Variants in MCFD2 observed in about 807,000 individuals in gnomAD.
The protein encoded by MCFD2 is multiple coagulation factor deficiency protein 2.
MCFD2 carries 11 observed loss-of-function variants against 12.8 expected under a neutral mutation model. That is an observed-to-expected ratio of 0.86 (90% confidence interval 0.54 to 1.42). The LOEUF (loss-of-function observed/expected upper bound fraction) is 1.42, where lower values mean the gene tolerates loss of function less well. MCFD2 is among the 40% of genes most tolerant of loss of function. The pLI is 0.00. For synonymous variants in MCFD2, 70 were observed against 68.1 expected (o/e 1.03, Z -0.14); for missense variants, 191 against 178.6 (o/e 1.07, Z -0.40).
upstream of MCFD2, chr2:46,916,059 A>G: frequency 1.0e-6 from 1 of 985,434 alleles, no homozygotes; most frequent in Non-Finnish European, 1.2e-6. Flanking sequence ...TTGCTAGGCA[A>G]CGCCGGAAGC....
chr2:46,909,532 A>T (rs967739124), intron 1 of MCFD2, among the ~76,000 whole-genome samples: 5 of 152,226 alleles, frequency 3.3e-5, no homozygotes, highest in Non-Finnish European at 5.9e-5. Context: ...AGCAAGTTAT[A>T]TCAGATTATC....
In MCFD2 at chr2:46,941,135, C is replaced by A. The variant is rs1207618353; in HGVS notation, c.-8+437G>T. On this transcript the variant is annotated intron_variant, in intron 1 of 2. Transcript: ENST00000409147. The surrounding 1 kb of genome is among the most constrained non-coding windows in gnomAD (Gnocchi z 4.2). ...GCGCTGGCAGCCAGCGAGCCCGGCT[C>A]GCCGAGGCCTCCCCACGCCCCCGCG... is the stretch of plus-strand genomic sequence containing the variant. 2 of 147,832 alleles carry A rather than the reference C, an allele frequency of 1.4e-5. No individual in the cohort carries two copies. Among genetic ancestry groups the A allele is most frequent in the South Asian group, 3.6e-4 (2 of 5,608 alleles). 9.2% of individuals were successfully genotyped at this position (147,832 alleles called of 1,614,324 possible).
chr2:46,941,205 G>C lies in MCFD2; in HGVS notation c.-8+367C>G, dbSNP rs1456736547. The stretch of plus-strand genomic sequence containing the variant: ...GGGCGGGTCCGCAGCTGGCGGCGCC[G>C]GGGCCCGGGGCGGAGGCTGTGGCAG... On this transcript the variant is annotated intron_variant, in intron 1 of 2. Coordinates refer to the MCFD2 transcript ENST00000409147. This position sits in a 1 kb window ranked among gnomAD's most constrained non-coding sequence, Gnocchi z 4.2. The C allele has an allele frequency of 4.0e-5, 6 of 148,450 alleles. No homozygotes were observed. In the South Asian group the frequency reaches 5.3e-4, roughly 13 times the overall value. 9.2% of individuals were successfully genotyped at this position (148,450 alleles called of 1,614,324 possible). A position where few individuals can be genotyped will look rare whatever the true frequency, so the allele number is the denominator to read the frequency against.
At chr2:46,932,678 A>G (rs1312895833) in intron 1 of MCFD2, among the ~76,000 whole-genome samples, 3 of 152,044 alleles carry the variant, frequency 2.0e-5, no homozygotes, top group Non-Finnish European at 4.4e-5. Flanking sequence ...AGATGGGTGG[A>G]TCACCTGAGT....
intron 1 of MCFD2, among the ~76,000 whole-genome samples, chr2:46,933,535 A>G (rs1478421811): frequency 2.0e-5 from 3 of 152,224 alleles, no homozygotes; most frequent in Non-Finnish European, 4.4e-5. Context: ...AGCTCCTGGC[A>G]GAGTTTTAAT....
chr2:46,908,624 C>A lies in MCFD2; in HGVS notation c.149+399G>T, dbSNP rs571699612. The A allele has an allele frequency of 1.3e-4, 40 of 311,952 alleles. 1 individual carries two copies. The highest frequency in any genetic ancestry group is 8.5e-4 in the African/African-American group (39 of 46,000). 19.3% of individuals were successfully genotyped at this position (311,952 alleles called of 1,614,324 possible). A position where few individuals can be genotyped will look rare whatever the true frequency, so the allele number is the denominator to read the frequency against. On this transcript the variant is annotated intron_variant, in intron 2 of 3. Transcript: ENST00000319466. This position sits in a 1 kb window ranked among gnomAD's most constrained non-coding sequence, Gnocchi z 4.5. ...GCTAACTGGCCCAAGACAAAAGCTG[C>A]AACAAATGATTCAATGTTTGAATGT...
intron 1 of MCFD2, among the ~76,000 whole-genome samples, chr2:46,927,243 A>G (rs1398964968): frequency 6.6e-6 from 1 of 152,214 alleles, no homozygotes; most frequent in East Asian, 1.9e-4. Flanking sequence ...AGGATCAAAA[A>G]GAGTGACAAA....
chr2:46,921,670 C>T (rs975474714), intron 1 of MCFD2, among the ~76,000 whole-genome samples: 1 of 152,174 alleles, frequency 6.6e-6, no homozygotes, highest in Non-Finnish European at 1.5e-5. Flanking sequence ...TTTTTGGCAC[C>T]AGGGACCAGT....
intron 1 of MCFD2, among the ~76,000 whole-genome samples, chr2:46,926,274 A>C (rs1669378717): frequency 6.6e-6 from 1 of 152,220 alleles, no homozygotes; most frequent in South Asian, 2.1e-4. Context: ...GTTTAGTTCC[A>C]CACACTGAGT....
Position 46,941,801 on chromosome 2 carries a change from A to T in MCFD2, c.-237T>A, listed in dbSNP as rs1670423747. On this transcript the variant is annotated 5_prime_UTR_variant, in exon 1 of 3. Transcript: ENST00000409147. This position sits in a 1 kb window ranked among gnomAD's most constrained non-coding sequence, Gnocchi z 4.2. ...CGCCTCCTCCAGGAAGCGCGCCCAG[A>T]CAGTCCTCGGCCGACAGCGGGCGCC... The T allele has an allele frequency of 6.5e-7, 1 of 1,531,952 alleles. No homozygotes were observed. 94.9% of individuals were successfully genotyped at this position (1,531,952 alleles called of 1,614,324 possible).
In MCFD2 at chr2:46,941,053, G is replaced by GGGGGCGGCGGCA. The variant is rs1434844057; in HGVS notation, c.-8+518_-8+519insTGCCGCCGCCCC. ...CCGACTCCGCGGCGGGGGCGGCGGCGGGGGGCGGGTACCCGGGCGGCCGCG... is the reference window on the plus strand; with the variant it reads ...CCGACTCCGCGGCGGGGGCGGCGGCGGGGGCGGCGGCAGGGGGCGGGTACCCGGGCGGCCGCG... On this transcript the variant is annotated intron_variant, in intron 1 of 2. Coordinates refer to the MCFD2 transcript ENST00000409147. This position sits in a 1 kb window ranked among gnomAD's most constrained non-coding sequence, Gnocchi z 4.2. 1 of 151,010 alleles carries GGGGGCGGCGGCA rather than the reference G, an allele frequency of 6.6e-6. No individual in the cohort carries two copies. The highest frequency in any genetic ancestry group is 2.4e-5 in the African/African-American group (1 of 41,058). The allele number at this position is 151,010 out of a possible 1,614,324, so 9.4% of individuals were successfully genotyped here.
upstream of MCFD2, among the ~76,000 whole-genome samples, chr2:46,916,884 C>A (rs1337488911): frequency 2.0e-5 from 3 of 152,184 alleles, no homozygotes; most frequent in African/African-American, 7.2e-5. Flanking sequence ...CCTCCCGCCT[C>A]AGCCTCCCAA....
At chr2:46,918,557 C>A (rs1264679548), upstream of MCFD2, among the ~76,000 whole-genome samples, 1 of 152,148 alleles carries the variant, frequency 6.6e-6, no homozygotes, top group Non-Finnish European at 1.5e-5. Context: ...AATTTGGTAC[C>A]AGAAGCAGGA....
upstream of MCFD2, among the ~76,000 whole-genome samples, chr2:46,919,768 G>A (rs990281797): frequency 1.2e-4 from 19 of 152,160 alleles, no homozygotes; most frequent in African/African-American, 4.6e-4. Flanking sequence ...ACAAGGGTGC[G>A]GCTTCCAGAT....
chr2:46,916,129 A>C, upstream of MCFD2: 1 of 985,490 alleles, frequency 1.0e-6, no homozygotes, highest in Non-Finnish European at 1.2e-6. Flanking sequence ...GGCGGACCCC[A>C]AAGCTGGCTC....
At chr2:46,922,273 T>TA (rs1270673409) in intron 1 of MCFD2, among the ~76,000 whole-genome samples, 2 of 152,222 alleles carry the variant, frequency 1.3e-5, no homozygotes, top group Non-Finnish European at 2.9e-5. Flanking sequence ...TCTCAGCACT[T>TA]ACTCATGGTT....
intron 1 of MCFD2, among the ~76,000 whole-genome samples, chr2:46,938,441 T>G (rs1670087304): frequency 3.3e-5 from 5 of 152,144 alleles, no homozygotes. Context: ...CCTCGGACCT[T>G]CAACCGAGGG....
chr2:46,925,152 G>C (rs6419615), intron 1 of MCFD2, among the ~76,000 whole-genome samples: 119,457 of 152,116 alleles, frequency 0.79, 47,457 homozygotes, highest in African/African-American at 0.89. Flanking sequence ...GGGGTTGTCT[G>C]GCTATGTTCC....
At chr2:46,930,946 T>A (rs1215713088) in intron 1 of MCFD2, among the ~76,000 whole-genome samples, 2 of 152,270 alleles carry the variant, frequency 1.3e-5, no homozygotes, top group Non-Finnish European at 2.9e-5. Context: ...AAAGCTATCA[T>A]AATTTTGATG....
Sources: gnomAD v4.1 joint callset for allele counts (sites outside exome capture counted in the v4.1 genomes callset) on GRCh38, gnomAD v4.1.1 for gene constraint, Gnocchi (gnomAD v3.1) non-coding constraint, MANE v1.5 for transcripts, NCBI Gene and HGNC (gene_info 2026-07-23, HGNC 2026-07-21) for gene names.